OPCML: variants seen among roughly 807,000 people sequenced by gnomAD.
OPCML encodes opioid-binding protein/cell adhesion molecule.
A neutral mutation model predicts 37.8 loss-of-function variants in OPCML; 13 were observed. That is an observed-to-expected ratio of 0.34 (90% CI 0.22 to 0.55). The LOEUF (loss-of-function observed/expected upper bound fraction) is 0.55, where lower values mean the gene tolerates loss of function less well. OPCML is among the 20% of genes least tolerant of loss of function. The pLI is 0.91. For missense variants in OPCML, 341 were observed against 435.6 expected (o/e 0.78, Z 1.93); for synonymous variants, 176 against 168.8 (o/e 1.04, Z -0.33).
At chr11:132,570,415 A>T (rs1048997684) in intron 3 of OPCML, among the ~76,000 whole-genome samples, 35 of 152,094 alleles carry the variant, frequency 2.3e-4, no homozygotes, top group Non-Finnish European at 2.9e-5. Flanking sequence ...TTGTGAGGAC[A>T]TGAGGGTTTA....
At chr11:132,473,427 T>A (rs1172930660) in intron 4 of OPCML, among the ~76,000 whole-genome samples, 1 of 152,152 alleles carries the variant, frequency 6.6e-6, no homozygotes, top group East Asian at 1.9e-4. Context: ...TAAGGAAACC[T>A]AACTAGGTCA....
chr11:133,360,124 T>C (rs1944381024), intron 1 of OPCML: 2 of 152,358 alleles, frequency 1.3e-5, no homozygotes, highest in Non-Finnish European at 2.9e-5. Flanking sequence ...ACATCAATTT[T>C]CTTGTATAAT....
intron 4 of OPCML, among the ~76,000 whole-genome samples, chr11:132,480,392 A>T (rs915123556): frequency 2.0e-5 from 3 of 152,236 alleles, no homozygotes; most frequent in African/African-American, 7.2e-5. Context: ...TCTACGTCTG[A>T]TTGGTGTACC....
intron 2 of OPCML, among the ~76,000 whole-genome samples, chr11:132,757,120 G>T: frequency 6.6e-6 from 1 of 152,250 alleles, no homozygotes; most frequent in African/African-American, 2.4e-5. Flanking sequence ...TCCCTCCAAA[G>T]GACATGAACT....
intron 3 of OPCML, among the ~76,000 whole-genome samples, chr11:132,646,028 A>T (rs1487468486): frequency 6.6e-6 from 1 of 152,182 alleles, no homozygotes; most frequent in Non-Finnish European, 1.5e-5. Context: ...GACAAACTTG[A>T]CTAGGTTGTG....
Position 133,253,609 on chromosome 11 carries a change from T to C in OPCML, c.61+278655A>G, listed in dbSNP as rs568972939. 1.4e-4 allele frequency among the ~76,000 whole-genome samples: 21 copies of C among 152,252 alleles called. No individual in the cohort carries two copies. The South Asian group carries it at 4.4e-3, about 32-fold the overall frequency. On this transcript the variant is annotated intron_variant, in intron 1 of 7. Transcript: ENST00000524381. ...ATAGCGTGAGCCAACACGCCTGGCT[T>C]GCGAGTCACATTTTAAATCTTCATA...
intron 4 of OPCML, among the ~76,000 whole-genome samples, chr11:132,495,144 C>T (rs1332669406): frequency 6.6e-6 from 1 of 151,386 alleles, no homozygotes; most frequent in Non-Finnish European, 1.5e-5. Flanking sequence ...CATTTCATTT[C>T]TTCCATTGTA....
chr11:133,507,882 G>C (rs1181953592), intron 1 of OPCML, among the ~76,000 whole-genome samples: 13 of 151,578 alleles, frequency 8.6e-5, no homozygotes, highest in Admixed American at 8.5e-4. Context: ...GGGAGGCAGA[G>C]GTTGCAGTGA....
At chr11:132,574,797 C>T (rs1241314752) in intron 3 of OPCML, among the ~76,000 whole-genome samples, 4 of 151,734 alleles carry the variant, frequency 2.6e-5, no homozygotes, top group South Asian at 2.1e-4. Context: ...GGTGTTAAGT[C>T]CTTGGTTTCC....
intron 1 of OPCML, among the ~76,000 whole-genome samples, chr11:133,241,846 A>AG (rs1940743342): frequency 6.6e-6 from 1 of 152,156 alleles, no homozygotes; most frequent in South Asian, 2.1e-4. Flanking sequence ...CCACGCTTCC[A>AG]CGCATGTATT....
chr11:132,617,380 G>A (rs924141143), intron 3 of OPCML, among the ~76,000 whole-genome samples: 4 of 152,156 alleles, frequency 2.6e-5, no homozygotes, highest in East Asian at 1.9e-4. Flanking sequence ...TACTCTCCAC[G>A]TAGACTGAAT....
intron 1 of OPCML, among the ~76,000 whole-genome samples, chr11:133,077,055 A>G (rs1225275900): frequency 6.6e-6 from 1 of 151,976 alleles, no homozygotes; most frequent in African/African-American, 2.4e-5. Flanking sequence ...CTTGTCCTTG[A>G]GGGAATTCTG....
intron 1 of OPCML, among the ~76,000 whole-genome samples, chr11:133,158,204 G>T (rs1391935543): frequency 2.0e-5 from 3 of 152,174 alleles, no homozygotes; most frequent in African/African-American, 7.2e-5. Context: ...TCTAGAAGGT[G>T]TGGCAAGTCC....
chr11:132,753,413 G>A (rs1945907527), intron 2 of OPCML, among the ~76,000 whole-genome samples: 1 of 152,158 alleles, frequency 6.6e-6, no homozygotes, highest in Non-Finnish European at 1.5e-5. Context: ...AAATATAATT[G>A]TCTTCCTTTA....
intron 3 of OPCML, among the ~76,000 whole-genome samples, chr11:132,561,373 G>T (rs1423806314): frequency 6.6e-6 from 1 of 152,128 alleles, no homozygotes; most frequent in Non-Finnish European, 1.5e-5. Flanking sequence ...TCCTCCATAG[G>T]CTCTTTAGGA....
At chr11:133,128,566 G>A (rs1949554955) in intron 1 of OPCML, among the ~76,000 whole-genome samples, 1 of 152,172 alleles carries the variant, frequency 6.6e-6, no homozygotes, top group Non-Finnish European at 1.5e-5. Context: ...GTCCCTGCCA[G>A]TGGAGAGGAC....
At chr11:132,664,078 C>A (rs1007983421) in intron 2 of OPCML, among the ~76,000 whole-genome samples, 2 of 152,086 alleles carry the variant, frequency 1.3e-5, no homozygotes, top group African/African-American at 4.8e-5. Flanking sequence ...ATGATCCGCC[C>A]GCCTCGGCCT....
chr11:132,682,407 TA>T lies in OPCML; in HGVS notation c.147-25089del, dbSNP rs575849858. Among the ~76,000 whole-genome samples the T allele has an allele frequency of 3.3e-3, 509 of 152,272 alleles. 2 individuals carry two copies. The highest frequency in any genetic ancestry group is 0.012 in the African/African-American group (488 of 41,576). On this transcript the variant is annotated intron_variant, in intron 2 of 7. Coordinates refer to ENST00000524381, the MANE Select transcript of OPCML (RefSeq NM_001012393.5). ...TTATGTTTTATAACATATCATCTTT[TA>T]AAAAAACTCTTTTCCTTCTCTTTGT... is the stretch of plus-strand genomic sequence containing the variant.
At chr11:133,500,940 G>A (rs1947897795) in intron 1 of OPCML, among the ~76,000 whole-genome samples, 1 of 151,952 alleles carries the variant, frequency 6.6e-6, no homozygotes, top group South Asian at 2.1e-4. Flanking sequence ...GAGGGGGAGT[G>A]CACAGTACAG....
Sources: allele counts gnomAD v4.1 joint callset (sites outside exome capture counted in the v4.1 genomes callset), GRCh38; gene constraint gnomAD v4.1.1; transcripts MANE v1.5; gene names NCBI Gene and HGNC (gene_info 2026-07-23, HGNC 2026-07-21).